Variants in IMMP2L observed in about 807,000 individuals in gnomAD.
IMMP2L encodes mitochondrial inner membrane protease subunit 2.
A neutral mutation model predicts 19.3 loss-of-function variants in IMMP2L; 18 were observed. The observed-to-expected ratio is 0.93, with a 90% confidence interval of 0.64 to 1.38. The LOEUF (loss-of-function observed/expected upper bound fraction) is 1.38. IMMP2L is among the 40% of genes most tolerant of loss of function. IMMP2L has a pLI of 0.00. For synonymous variants in IMMP2L, 76 were observed against 73.0 expected (o/e 1.04, Z -0.21); for missense variants, 233 against 218.2 (o/e 1.07, Z -0.43).
chr7:111,297,800 C>G (rs1219570121), intron 3 of IMMP2L, among the ~76,000 whole-genome samples: 3 of 151,854 alleles, frequency 2.0e-5, no homozygotes, highest in Non-Finnish European at 4.4e-5. Flanking sequence ...CAAAAGAAAC[C>G]AGACTCAAAA....
intron 3 of IMMP2L, among the ~76,000 whole-genome samples, chr7:111,359,562 A>C (rs928142210): frequency 1.3e-5 from 2 of 151,980 alleles, no homozygotes; most frequent in African/African-American, 4.8e-5. Flanking sequence ...TCAGCCTCCC[A>C]AAGTGCTGGA....
At chr7:110,766,952 G>A (rs1317583059) in intron 5 of IMMP2L, among the ~76,000 whole-genome samples, 2 of 151,990 alleles carry the variant, frequency 1.3e-5, no homozygotes, top group Non-Finnish European at 2.9e-5. Context: ...ATGCTTAATT[G>A]GGCCATTGGA....
In IMMP2L at chr7:111,152,581, T is replaced by A. The variant is rs371306822; in HGVS notation, c.240-189016A>T. ...TATACCCAAAGTTATTCCTTTGTCA[T>A]CCTCCCTAATAAATGAGATTACTTG... On this transcript the variant is annotated intron_variant, in intron 3 of 5. Coordinates refer to ENST00000405709, the MANE Select transcript of IMMP2L (RefSeq NM_032549.4). Among the ~76,000 whole-genome samples, 105 of 152,230 alleles carry A rather than the reference T, an allele frequency of 6.9e-4. 3 individuals carry two copies. The South Asian group carries it at 0.019, about 28-fold the overall frequency.
rs545239711 is a variant in IMMP2L at position 111,506,483 on chromosome 7, C to T, written c.135+14830G>A. The stretch of plus-strand genomic sequence containing the variant: ...TGCAATCTCAGCTCACTGCAACCTC[C>T]GCCTCCCAGGTTCAAGCGATTCTCC... On this transcript the variant is annotated intron_variant, in intron 2 of 5. Coordinates refer to ENST00000405709, the MANE Select transcript of IMMP2L (RefSeq NM_032549.4). Among the ~76,000 whole-genome samples the T allele has an allele frequency of 1.4e-4, 22 of 152,150 alleles. No individual in the cohort carries two copies. The South Asian group carries it at 3.3e-3, about 23-fold the overall frequency.
intron 3 of IMMP2L, among the ~76,000 whole-genome samples, chr7:111,334,286 T>C (rs1017246125): frequency 6.6e-6 from 1 of 152,048 alleles, no homozygotes; most frequent in African/African-American, 2.4e-5. Flanking sequence ...GTCACTTTTT[T>C]AGCTCCCACA....
At chr7:110,999,285 T>C (rs1823374808) in intron 3 of IMMP2L, among the ~76,000 whole-genome samples, 1 of 151,524 alleles carries the variant, frequency 6.6e-6, no homozygotes, top group Non-Finnish European at 1.5e-5. Flanking sequence ...CTGCTACTAT[T>C]TTCTTGTTAA....
intron 3 of IMMP2L, among the ~76,000 whole-genome samples, chr7:111,211,203 A>G (rs1811273600): frequency 2.0e-5 from 3 of 152,192 alleles, no homozygotes; most frequent in Middle Eastern, 3.2e-3. Flanking sequence ...GCCTGCATAG[A>G]TGTGAATGCC....
At chr7:110,906,954 G>C (rs1308614482) in intron 4 of IMMP2L, among the ~76,000 whole-genome samples, 2 of 151,992 alleles carry the variant, frequency 1.3e-5, no homozygotes, top group African/African-American at 2.4e-5. Flanking sequence ...GCAGGACAGG[G>C]AGCACAGGTG....
At chr7:111,273,375 G>A (rs1036781339) in intron 3 of IMMP2L, among the ~76,000 whole-genome samples, 1 of 152,088 alleles carries the variant, frequency 6.6e-6, no homozygotes, top group East Asian at 1.9e-4. Flanking sequence ...GCACGAGAAA[G>A]ACAGGGATCA....
At chr7:111,521,106 T>C (rs1359929109) in intron 2 of IMMP2L, among the ~76,000 whole-genome samples, 2 of 152,264 alleles carry the variant, frequency 1.3e-5, no homozygotes, top group East Asian at 1.9e-4. Context: ...AGAGAACTGA[T>C]AGTTACTTTT....
intron 3 of IMMP2L, among the ~76,000 whole-genome samples, chr7:111,373,639 T>G (rs1019967450): frequency 6.6e-6 from 1 of 152,024 alleles, no homozygotes; most frequent in African/African-American, 2.4e-5. Flanking sequence ...GAAAAATTGG[T>G]TAGTGAGGAT....
intron 4 of IMMP2L, among the ~76,000 whole-genome samples, chr7:110,888,592 T>C (rs187344970): frequency 6.6e-6 from 1 of 152,268 alleles, no homozygotes; most frequent in East Asian, 1.9e-4. Flanking sequence ...GAAACCAAGA[T>C]TGAGTTTTAA....
chr7:110,900,760 T>A (rs1177663427), intron 4 of IMMP2L, among the ~76,000 whole-genome samples: 2 of 152,174 alleles, frequency 1.3e-5, no homozygotes, highest in African/African-American at 4.8e-5. Context: ...GCTGGTAGCA[T>A]CCATTTTGCT....
intron 3 of IMMP2L, among the ~76,000 whole-genome samples, chr7:110,996,180 C>T (rs1002858707): frequency 2.2e-4 from 34 of 152,120 alleles, no homozygotes; most frequent in African/African-American, 8.2e-4. Context: ...GAGTGTGTTA[C>T]AGGGCATCTG....
chr7:111,024,394 C>T (rs111934470), intron 3 of IMMP2L, among the ~76,000 whole-genome samples: 9,346 of 152,152 alleles, frequency 0.061, 385 homozygotes, highest in Non-Finnish European at 0.086. Context: ...TTTCTCTATT[C>T]TCTCTCCTAC....
chr7:111,435,742 G>A (rs1837096555), intron 3 of IMMP2L, among the ~76,000 whole-genome samples: 1 of 151,760 alleles, frequency 6.6e-6, no homozygotes, highest in Non-Finnish European at 1.5e-5. Context: ...AAAACTATGA[G>A]CTACAAATTA....
intron 3 of IMMP2L, among the ~76,000 whole-genome samples, chr7:111,172,534 A>C (rs893049181): frequency 6.6e-6 from 1 of 151,672 alleles, no homozygotes. Context: ...TTTAAAATAT[A>C]TAATACATTG....
chr7:110,865,083 T>C (rs1451733323), intron 5 of IMMP2L, among the ~76,000 whole-genome samples: 2 of 152,102 alleles, frequency 1.3e-5, no homozygotes, highest in Non-Finnish European at 1.5e-5. Context: ...ATGTTTTTAA[T>C]TCAGTATTTA....
At chr7:111,258,690 G>C (rs554116330) in intron 3 of IMMP2L, among the ~76,000 whole-genome samples, 9 of 152,040 alleles carry the variant, frequency 5.9e-5, no homozygotes, top group Admixed American at 3.9e-4. Flanking sequence ...ATTTTTAGTA[G>C]AGATGGGGTT....
Sources: allele counts gnomAD v4.1 joint callset (sites outside exome capture counted in the v4.1 genomes callset), GRCh38; gene constraint gnomAD v4.1.1; transcripts MANE v1.5; gene names NCBI Gene and HGNC (gene_info 2026-07-23, HGNC 2026-07-21).